LCA5: variants seen among roughly 807,000 people sequenced by gnomAD.
LCA5 encodes the protein lebercilin LCA5, also known as lebercilin.
In LCA5, 37 loss-of-function variants were observed where a neutral mutation model predicts 53.0. The observed-to-expected ratio is 0.70, with a 90% CI of 0.54 to 0.92. The LOEUF (loss-of-function observed/expected upper bound fraction) is 0.92. LCA5 is among the 40% of genes least tolerant of loss of function. LCA5 has a pLI of 0.00. For synonymous variants in LCA5, 303 were observed against 282.9 expected (o/e 1.07, Z -0.71); for missense variants, 806 against 790.5 (o/e 1.02, Z -0.23).
Position 79,518,771 on chromosome 6 carries a change from A to C in LCA5, c.124T>G (p.Ser42Ala), listed in dbSNP as rs1766526066. The C allele has an allele frequency of 6.2e-7, 1 of 1,614,048 alleles. No individual in the cohort carries two copies. The highest frequency in any genetic ancestry group is 1.7e-5 in the Admixed American group (1 of 60,002). ...SSGRSSLVSS[S>A]PASVRRKNPK... ...TTTTTTCTCCTAACACTTGCAGGTG[A>C]AGAACTGACCAGCGATGATCGGCCA... Residue 42 changes from serine to alanine, a missense_variant, in exon 2 of 8, where the codon TCA becomes GCA. Ser to Ala is a moderately conservative substitution (Grantham distance 99). Coordinates refer to ENST00000369846, the MANE Select transcript of LCA5 (RefSeq NM_001122769.3).
chr6:79,490,296 TA>T (rs1188316943), intron 6 of LCA5, among the ~76,000 whole-genome samples: 1 of 128,388 alleles, frequency 7.8e-6, no homozygotes, highest in South Asian at 2.6e-4. Flanking sequence ...TTCATCTGAC[TA>T]AAAAAGAAAA....
intron 1 of LCA5, among the ~76,000 whole-genome samples, chr6:79,520,326 T>C (rs966451328): frequency 5.3e-5 from 8 of 152,060 alleles, no homozygotes; most frequent in African/African-American, 1.7e-4. Context: ...AAAATTCAAA[T>C]TAGTGCATAC....
intron 1 of LCA5, among the ~76,000 whole-genome samples, chr6:79,523,868 T>G (rs1223802098): frequency 6.6e-6 from 1 of 152,192 alleles, no homozygotes; most frequent in Non-Finnish European, 1.5e-5. Context: ...ATTATCCAAG[T>G]CCTGCTCCCT....
At chr6:79,488,924 G>A in intron 7 of LCA5, 160 bp downstream of exon 7, 1 of 752,746 alleles carries the variant, frequency 1.3e-6, no homozygotes, top group Non-Finnish European at 2.2e-6. Context: ...TTATTCAAAT[G>A]TGTATGGCTC....
At chr6:79,514,329 T>C (rs1582641416) in intron 2 of LCA5, among the ~76,000 whole-genome samples, 1 of 152,110 alleles carries the variant, frequency 6.6e-6, no homozygotes, top group East Asian at 1.9e-4. Flanking sequence ...CGCACATCAG[T>C]CAGAATGACT....
chr6:79,522,709 C>T (rs997058861), intron 1 of LCA5, among the ~76,000 whole-genome samples: 2 of 152,080 alleles, frequency 1.3e-5, no homozygotes, highest in African/African-American at 4.8e-5. Flanking sequence ...TTATTAGAGA[C>T]AGAGTTTTGC....
chr6:79,494,446 G>C (rs1769925616), intron 3 of LCA5, among the ~76,000 whole-genome samples: 1 of 151,832 alleles, frequency 6.6e-6, no homozygotes, highest in East Asian at 1.9e-4. Context: ...AAAATAACTT[G>C]TCAAGACATC....
At chr6:79,508,867 T>C (rs1470709941) in intron 3 of LCA5, among the ~76,000 whole-genome samples, 3 of 152,246 alleles carry the variant, frequency 2.0e-5, no homozygotes, top group Admixed American at 6.5e-5. Context: ...TAGTGTTGGC[T>C]GAAGTAAAAT....
In LCA5 at chr6:79,489,071, CT is replaced by C. The variant is rs755017743; in HGVS notation, c.1231+12del. The stretch of plus-strand genomic sequence containing the variant: ...CTGACTTGTCACATGCTTAAACAAA[CT>C]CTTTTTCTTACCATCCTCCAGCTTT... On this transcript the variant is annotated intron_variant, in intron 7 of 7. Coordinates refer to ENST00000369846, the MANE Select transcript of LCA5 (RefSeq NM_001122769.3). The C allele has an allele frequency of 6.2e-7, 1 of 1,612,636 alleles. No homozygotes were observed. Among genetic ancestry groups the C allele is most frequent in the South Asian group, 1.1e-5 (1 of 91,078 alleles).
At position 79,519,039 on chromosome 6, in the gene LCA5, T is replaced by C; in HGVS notation, c.-145A>G. On this transcript the variant is annotated 5_prime_UTR_variant, in exon 2 of 8. Coordinates refer to ENST00000369846, the MANE Select transcript of LCA5 (RefSeq NM_001122769.3). ...CAATCTATTTTCTCCACAATGTATTTGTAGACCACAATTCACATTGGCATC... is the reference window on the plus strand; with the variant it reads ...CAATCTATTTTCTCCACAATGTATTCGTAGACCACAATTCACATTGGCATC... The C allele has an allele frequency of 1.1e-6, 1 of 895,998 alleles. No individual in the cohort carries two copies. Among genetic ancestry groups the C allele is most frequent in the Non-Finnish European group, 1.8e-6 (1 of 550,820 alleles). 55.5% of individuals were successfully genotyped at this position (895,998 alleles called of 1,614,324 possible). A position where few individuals can be genotyped will look rare whatever the true frequency, so the allele number is the denominator to read the frequency against.
intron 3 of LCA5, among the ~76,000 whole-genome samples, chr6:79,497,976 A>G (rs1770029423): frequency 6.6e-6 from 1 of 151,696 alleles, no homozygotes; most frequent in Non-Finnish European, 1.5e-5. Flanking sequence ...AAAAAAAAGA[A>G]AGATATGATT....
At chr6:79,504,325 A>C (rs939655030) in intron 3 of LCA5, among the ~76,000 whole-genome samples, 41 of 152,238 alleles carry the variant, frequency 2.7e-4, no homozygotes, top group African/African-American at 9.4e-4. Flanking sequence ...TATTAATGTT[A>C]AAAGAATAAC....
Position 79,487,548 on chromosome 6 carries a change from C to T in LCA5, c.1550G>A (p.Arg517Lys). ...KTYRFSESSERLFNGHHLQDI... is the reference protein window; with the variant it reads ...KTYRFSESSEKLFNGHHLQDI... ...TTGCAAATGATGCCCATTAAATAATCTCTCTGAGGATTCAGAGAACCTGTA... is the reference window on the plus strand; with the variant it reads ...TTGCAAATGATGCCCATTAAATAATTTCTCTGAGGATTCAGAGAACCTGTA... Residue 517 changes from arginine to lysine, a missense_variant, in exon 8 of 8, where the codon AGA (arginine) becomes AAA (lysine). By Grantham distance (26) the Arg-to-Lys change is conservative. Coordinates refer to ENST00000369846, the MANE Select transcript of LCA5 (RefSeq NM_001122769.3). 1 of 1,613,928 alleles carries T rather than the reference C, an allele frequency of 6.2e-7. No homozygotes were observed. Among genetic ancestry groups the T allele is most frequent in the Non-Finnish European group, 8.5e-7 (1 of 1,179,834 alleles).
rs555912542 is a variant in LCA5 at position 79,490,397 on chromosome 6, A to C, written c.1099-1181T>G. On this transcript the variant is annotated intron_variant, in intron 6 of 7. Transcript: ENST00000369846. ...ACATGAGAAAGCTGAGGCTCCAAGAAGTCACACAACTAAAATGTTAGAATT... is the reference window on the plus strand; with the variant it reads ...ACATGAGAAAGCTGAGGCTCCAAGACGTCACACAACTAAAATGTTAGAATT... Among the ~76,000 whole-genome samples, 16 of 152,282 alleles carry C rather than the reference A, an allele frequency of 1.1e-4. No individual in the cohort carries two copies. The South Asian group carries it at 3.3e-3, about 32-fold the overall frequency.
intron 1 of LCA5, among the ~76,000 whole-genome samples, chr6:79,534,906 T>C (rs1289201540): frequency 6.6e-6 from 1 of 152,182 alleles, no homozygotes; most frequent in Non-Finnish European, 1.5e-5. Context: ...CAGTGGCTCC[T>C]GAGCACCTCA....
At chr6:79,534,996 C>G (rs935031912) in intron 1 of LCA5, among the ~76,000 whole-genome samples, 5 of 152,046 alleles carry the variant, frequency 3.3e-5, no homozygotes, top group South Asian at 4.1e-4. Flanking sequence ...ATAAAACAGA[C>G]CATAAAATAG....
chr6:79,513,294 C>CT lies in LCA5; in HGVS notation c.637dup (p.Arg213LysfsTer5). The CT allele has an allele frequency of 1.2e-6, 2 of 1,613,690 alleles. No individual in the cohort carries two copies. The highest frequency in any genetic ancestry group is 1.7e-6 in the Non-Finnish European group (2 of 1,179,804). ...CAAATCATCTCGTTCAGGTAGGTGTCTAGCTTCAGAGATCTCTTTCAGTTT... is the reference window on the plus strand; with the variant it reads ...CAAATCATCTCGTTCAGGTAGGTGTCTTAGCTTCAGAGATCTCTTTCAGTTT... On this transcript the variant is annotated frameshift_variant, in exon 3 of 8. Transcript: ENST00000369846. LOFTEE classifies it high-confidence loss of function.
At chr6:79,503,791 T>C (rs1328481098) in intron 3 of LCA5, among the ~76,000 whole-genome samples, 1 of 152,212 alleles carries the variant, frequency 6.6e-6, no homozygotes, top group Non-Finnish European at 1.5e-5. Context: ...TGAAACTGTG[T>C]GTGTGTGCGC....
At chr6:79,491,900 C>A (rs1314680607) in intron 5 of LCA5, among the ~76,000 whole-genome samples, 170 bp from the exon 6 acceptor site, 1 of 151,740 alleles carries the variant, frequency 6.6e-6, no homozygotes, top group Admixed American at 6.6e-5. Flanking sequence ...TATATATTCA[C>A]CATATAAATA....
Sources: gnomAD v4.1 joint callset for allele counts (sites outside exome capture counted in the v4.1 genomes callset) on GRCh38, gnomAD v4.1.1 for gene constraint, MANE v1.5 for transcripts, NCBI Gene and HGNC (gene_info 2026-07-23, HGNC 2026-07-21) for gene names.